Variants in FHIT observed in about 807,000 individuals in gnomAD.
FHIT encodes the protein bis(5'-adenosyl)-triphosphatase.
Under a neutral mutation model 17.9 loss-of-function variants are expected in FHIT, and 19 were observed. That is an observed-to-expected ratio of 1.06 (90% confidence interval 0.74 to 1.56). The LOEUF is 1.56. Ranked by LOEUF, FHIT falls within the 40% of genes most tolerant of loss-of-function variation. FHIT has a pLI of 0.00. For missense variants in FHIT, 248 were observed against 189.2 expected (o/e 1.31, Z -1.82); for synonymous variants, 81 against 69.7 (o/e 1.16, Z -0.81).
chr3:60,919,727 A>G lies in FHIT; in HGVS notation c.-110-97716T>C, dbSNP rs540432575. 1.4e-4 allele frequency among the ~76,000 whole-genome samples: 21 copies of G among 152,280 alleles called. No individual in the cohort carries two copies. The South Asian group carries it at 3.5e-3, about 26-fold the overall frequency. On this transcript the variant is annotated intron_variant, in intron 3 of 9. Coordinates refer to ENST00000492590, the MANE Select transcript of FHIT (RefSeq NM_002012.4). The stretch of plus-strand genomic sequence containing the variant: ...TTACCTGTCTAATCACGAGCTGTAT[A>G]TTTTTTATAGGGAATAAGAGTGCAT...
Position 60,766,941 on chromosome 3 carries a change from C to T in FHIT, c.-18+54978G>A, listed in dbSNP as rs868942305. 5.9e-5 allele frequency among the ~76,000 whole-genome samples: 9 copies of T among 152,268 alleles called. No individual in the cohort carries two copies. In the Middle Eastern group the frequency reaches 0.01, roughly 173 times the overall value. On this transcript the variant is annotated intron_variant, in intron 4 of 9. Transcript: ENST00000492590. Reference sequence around the variant, plus strand: ...TAAAAATAATCCATGGACCAAATACCTTTTGGAATGTGGCATGCTCAATCT... The same window carrying T: ...TAAAAATAATCCATGGACCAAATACTTTTTGGAATGTGGCATGCTCAATCT...
intron 8 of FHIT, among the ~76,000 whole-genome samples, chr3:59,859,217 A>G (rs2106836144): frequency 6.6e-6 from 1 of 152,318 alleles, no homozygotes; most frequent in South Asian, 2.1e-4. Flanking sequence ...AAGTGGGGAT[A>G]CGGTCAGTGT....
At chr3:60,482,200 G>A (rs1391543877) in intron 5 of FHIT, among the ~76,000 whole-genome samples, 1 of 152,096 alleles carries the variant, frequency 6.6e-6, no homozygotes, top group African/African-American at 2.4e-5. Context: ...CCTACAAAGA[G>A]ACTTAGACTC....
At chr3:60,975,881 T>A (rs970787020) in intron 3 of FHIT, among the ~76,000 whole-genome samples, 3 of 152,104 alleles carry the variant, frequency 2.0e-5, no homozygotes, top group Non-Finnish European at 4.4e-5. Flanking sequence ...ATTCCACATC[T>A]TAGGCTAAGA....
chr3:60,332,097 A>G (rs1019586584), intron 5 of FHIT, among the ~76,000 whole-genome samples: 1 of 152,170 alleles, frequency 6.6e-6, no homozygotes, highest in African/African-American at 2.4e-5. Context: ...TCTATTCTAT[A>G]CTAGGTACTG....
At chr3:60,019,150 C>G (rs573712995) in intron 5 of FHIT, among the ~76,000 whole-genome samples, 11 of 152,312 alleles carry the variant, frequency 7.2e-5, no homozygotes, top group Admixed American at 5.2e-4. Context: ...ACTCTACATG[C>G]TCTTCCATCC....
Position 60,122,304 on chromosome 3 carries a change from G to A in FHIT, c.104-108152C>T, listed in dbSNP as rs141811384. On this transcript the variant is annotated intron_variant, in intron 5 of 9. Coordinates refer to ENST00000492590, the MANE Select transcript of FHIT (RefSeq NM_002012.4). The stretch of plus-strand genomic sequence containing the variant: ...CAGATAAGATCCTATGATACGTGTT[G>A]TCTGGGGCAAAGCAGGGAATTGTGG... Among the ~76,000 whole-genome samples, 717 of 152,244 alleles carry A rather than the reference G, an allele frequency of 4.7e-3. 6 individuals carry two copies. The highest frequency in any genetic ancestry group is 7.0e-3 in the Non-Finnish European group (476 of 68,018).
chr3:60,040,652 G>A (rs750661476), intron 5 of FHIT, among the ~76,000 whole-genome samples: 3 of 152,132 alleles, frequency 2.0e-5, no homozygotes, highest in Non-Finnish European at 4.4e-5. Flanking sequence ...AGAGAACTGC[G>A]GAGGCTAAGC....
At chr3:60,304,175 C>T (rs1352997860) in intron 5 of FHIT, among the ~76,000 whole-genome samples, 1 of 152,010 alleles carries the variant, frequency 6.6e-6, no homozygotes, top group Non-Finnish European at 1.5e-5. Context: ...TGAAACATTA[C>T]AATTTCTGTG....
At chr3:60,739,178 C>T (rs1222814901) in intron 4 of FHIT, among the ~76,000 whole-genome samples, 1 of 152,206 alleles carries the variant, frequency 6.6e-6, no homozygotes, top group Non-Finnish European at 1.5e-5. Context: ...AAAACCCCTG[C>T]ATGCATCCTT....
At chr3:59,823,075 T>C (rs1700851563) in intron 8 of FHIT, among the ~76,000 whole-genome samples, 1 of 152,176 alleles carries the variant, frequency 6.6e-6, no homozygotes, top group East Asian at 1.9e-4. Flanking sequence ...CCCATTTCTG[T>C]TTTTGTTTGC....
At chr3:60,453,362 C>G (rs1245028358) in intron 5 of FHIT, among the ~76,000 whole-genome samples, 1 of 152,110 alleles carries the variant, frequency 6.6e-6, no homozygotes, top group East Asian at 1.9e-4. Context: ...CTTTTAAGCT[C>G]TTAAAGGCGA....
intron 7 of FHIT, among the ~76,000 whole-genome samples, chr3:59,941,786 C>A (rs913705088): frequency 6.6e-6 from 1 of 152,108 alleles, no homozygotes; most frequent in Non-Finnish European, 1.5e-5. Flanking sequence ...TGAGGGCAAA[C>A]GCTCCCTGCT....
At position 59,811,703 on chromosome 3, in the gene FHIT, G is replaced by A. The variant is rs559093073; in HGVS notation, c.349-59382C>T. On this transcript the variant is annotated intron_variant, in intron 8 of 9. Coordinates refer to ENST00000492590, the MANE Select transcript of FHIT (RefSeq NM_002012.4). Reference sequence around the variant, plus strand: ...AGTAATTTTGATACATAAAGAAAAGGAAACAGTCACTGCTGCAGAGAGAGG... The same window carrying A: ...AGTAATTTTGATACATAAAGAAAAGAAAACAGTCACTGCTGCAGAGAGAGG... 7.2e-5 allele frequency among the ~76,000 whole-genome samples: 11 copies of A among 152,304 alleles called. No homozygotes were observed. In the South Asian group the frequency reaches 2.1e-3, roughly 29 times the overall value.
intron 8 of FHIT, among the ~76,000 whole-genome samples, chr3:59,867,797 C>A (rs1702721687): frequency 6.6e-6 from 1 of 152,032 alleles, no homozygotes. Flanking sequence ...ACAAAATCAT[C>A]TCCCCACCTC....
At chr3:59,786,755 A>G (rs984029851) in intron 8 of FHIT, among the ~76,000 whole-genome samples, 1 of 152,220 alleles carries the variant, frequency 6.6e-6, no homozygotes, top group Non-Finnish European at 1.5e-5. Context: ...ATGTTTACTC[A>G]ACACACAATT....
At chr3:60,355,506 A>T (rs1240528569) in intron 5 of FHIT, among the ~76,000 whole-genome samples, 1 of 152,186 alleles carries the variant, frequency 6.6e-6, no homozygotes, top group African/African-American at 2.4e-5. Context: ...AGAAAATGAC[A>T]TTGCATGATT....
At chr3:61,134,523 A>C (rs532608153) in intron 2 of FHIT, among the ~76,000 whole-genome samples, 3 of 152,280 alleles carry the variant, frequency 2.0e-5, no homozygotes, top group Admixed American at 2.0e-4. Flanking sequence ...GCTATGAGAC[A>C]TCTCTTCAAA....
At chr3:60,508,273 G>T (rs1044474892) in intron 5 of FHIT, among the ~76,000 whole-genome samples, 3 of 152,152 alleles carry the variant, frequency 2.0e-5, no homozygotes, top group Non-Finnish European at 4.4e-5. Context: ...GAAAAAGAAG[G>T]ATGTTCTATA....
Sources: gnomAD v4.1 joint callset for allele counts (sites outside exome capture counted in the v4.1 genomes callset) on GRCh38, gnomAD v4.1.1 for gene constraint, MANE v1.5 for transcripts, NCBI Gene and HGNC (gene_info 2026-07-23, HGNC 2026-07-21) for gene names.